The following PIK3R6 variants were observed in gnomAD, a reference collection of about 807,000 sequenced individuals.
The protein encoded by PIK3R6 is phosphoinositide-3-kinase regulatory subunit 6.
PIK3R6 carries 91 observed loss-of-function variants against 84.9 expected under a neutral mutation model. The ratio of observed to expected loss-of-function variants is 1.07; its 90% CI spans 0.90 to 1.28. The LOEUF (loss-of-function observed/expected upper bound fraction) is 1.28. PIK3R6 is among the 50% of genes most tolerant of loss of function. The pLI, the probability that PIK3R6 is intolerant of heterozygous loss-of-function variation, is 0.00. For missense variants in PIK3R6, 996 were observed against 985.1 expected, an observed-to-expected ratio of 1.01 and a Z score of -0.15; for synonymous variants, 416 against 411.4, an observed-to-expected ratio of 1.01 and a Z score of -0.13.
chr17:8,825,600 C>T (rs541063415), intron 13 of PIK3R6, among the ~76,000 whole-genome samples: 36 of 152,244 alleles, frequency 2.4e-4, no homozygotes, highest in Admixed American at 3.3e-4. Context: ...CAAATTTCTG[C>T]GGCAAGATGG....
chr17:8,823,517 T>C lies in PIK3R6; in HGVS notation c.1516-20A>G, dbSNP rs376696124. 1.0e-5 allele frequency: 16 copies of C among 1,540,046 alleles called. No homozygotes were observed. The African/African-American group carries it at 2.0e-4, about 20-fold the overall frequency. ...AGGAGGCTGTGATGGAGACAGGGAA[T>C]GTCTTCACCAACTCCCCCAAGGCCA... On this transcript the variant is annotated intron_variant, in intron 13 of 19. Coordinates refer to ENST00000619866, the MANE Select transcript of PIK3R6 (RefSeq NM_001010855.4).
rs760242091 is a variant in PIK3R6 at position 8,844,679 on chromosome 17, C to T, written c.14-4982G>A. On this transcript the variant is annotated intron_variant, in intron 2 of 19. Coordinates refer to ENST00000619866, the MANE Select transcript of PIK3R6 (RefSeq NM_001010855.4). The surrounding 1 kb of genome is among the most constrained non-coding windows in gnomAD (Gnocchi z 4.5). ...GAGGTACATGTGCAGGTTTGTTACC[C>T]GGATATATTGCTTGATGCTGAGGTT... 8.6e-5 allele frequency among the ~76,000 whole-genome samples: 13 copies of T among 151,620 alleles called. No individual in the cohort carries two copies. Among genetic ancestry groups the T allele is most frequent in the Admixed American group, 2.6e-4 (4 of 15,218 alleles).
Position 8,803,447 on chromosome 17 carries a change from C to T in PIK3R6, c.2109-18G>A. On this transcript the variant is annotated intron_variant, in intron 19 of 19. Transcript: ENST00000619866. The surrounding 1 kb of genome is among the most constrained non-coding windows in gnomAD (Gnocchi z 5.0). Reference sequence around the variant, plus strand: ...CCTCGAATCTGTGGGTGGAGAGAGACCAGCTCAGGTGACCCATCTGAGGGA... The same window carrying T: ...CCTCGAATCTGTGGGTGGAGAGAGATCAGCTCAGGTGACCCATCTGAGGGA... 3.8e-6 allele frequency: 6 copies of T among 1,582,834 alleles called. No individual in the cohort carries two copies. The highest frequency in any genetic ancestry group is 5.1e-6 in the Non-Finnish European group (6 of 1,166,344).
Position 8,828,962 on chromosome 17 carries a change from T to A in PIK3R6, c.918A>T (p.Pro306=). The part of the protein sequence containing the change: ...LWKELVLFLR[P]RSQLRLSADL... ...CAGCACTGAGGCGCAGCTGGGATCT[T>A]GGGCGGAGGAAGAGCACCAGTTCCT... Residue 306 remains proline, a synonymous_variant, in exon 11 of 20, where the codon CCA becomes CCT. Coordinates refer to ENST00000619866, the MANE Select transcript of PIK3R6 (RefSeq NM_001010855.4). 2 of 1,500,650 alleles carry A rather than the reference T, an allele frequency of 1.3e-6. No individual in the cohort carries two copies. The highest frequency in any genetic ancestry group is 4.8e-5 in the East Asian group (2 of 41,934). The allele number at this position is 1,500,650 out of a possible 1,614,324, so 93.0% of individuals were successfully genotyped here.
rs922132323 is a variant in PIK3R6 at position 8,850,340 on chromosome 17, A to G, written c.-91-455T>C. On this transcript the variant is annotated intron_variant, in intron 1 of 19. Coordinates refer to ENST00000619866, the MANE Select transcript of PIK3R6 (RefSeq NM_001010855.4). ...AAGAAAGAAAAAAGAGAAAACTTAT[A>G]TAGTGCTTACTATGTGCCAGGCATC... is the stretch of plus-strand genomic sequence containing the variant. 1.4e-4 allele frequency among the ~76,000 whole-genome samples: 21 copies of G among 152,080 alleles called. No individual in the cohort carries two copies. In the South Asian group the frequency reaches 2.3e-3, roughly 17 times the overall value.
intron 2 of PIK3R6, among the ~76,000 whole-genome samples, chr17:8,840,131 T>C (rs1444796503): frequency 6.7e-6 from 1 of 148,348 alleles, no homozygotes; most frequent in African/African-American, 2.5e-5. Context: ...CAAATATATA[T>C]GAAATATATA....
chr17:8,804,296 G>A (rs1464910965), intron 18 of PIK3R6, 143 bp from the exon 19 acceptor site: 3 of 681,820 alleles, frequency 4.4e-6, no homozygotes, highest in Admixed American at 2.2e-5. Context: ...ACTGAGGAGT[G>A]ACAACCCTGC....
intron 16 of PIK3R6, 107 bp downstream of exon 16, chr17:8,822,480 G>C (rs563047993): frequency 7.7e-7 from 1 of 1,295,702 alleles, no homozygotes; most frequent in East Asian, 2.4e-5. Flanking sequence ...TCAAGAAAAG[G>C]GGCAGAAGCT....
intron 1 of PIK3R6, among the ~76,000 whole-genome samples, chr17:8,864,663 G>A (rs980239302): frequency 2.7e-5 from 4 of 147,892 alleles, no homozygotes; most frequent in African/African-American, 1.0e-4. Flanking sequence ...TCAGCCTCCC[G>A]AGTACCTGGG....
chr17:8,803,883 G>A lies in PIK3R6; in HGVS notation c.2108+158C>T, dbSNP rs762966048. 1 of 649,872 alleles carries A rather than the reference G, an allele frequency of 1.5e-6. No individual in the cohort carries two copies. The highest frequency in any genetic ancestry group is 2.7e-6 in the Non-Finnish European group (1 of 366,590). The allele number at this position is 649,872 out of a possible 1,614,324, so 40.3% of individuals were successfully genotyped here. A position where few individuals can be genotyped will look rare whatever the true frequency, so the allele number is the denominator to read the frequency against. Reference sequence around the variant, plus strand: ...CTTCCTGGATCCAAAGCATAGGGCAGTGGCCTCTGTCCATCCTCACCAAGG... The same window carrying A: ...CTTCCTGGATCCAAAGCATAGGGCAATGGCCTCTGTCCATCCTCACCAAGG... On this transcript the variant is annotated intron_variant, in intron 19 of 19. Coordinates refer to ENST00000619866, the MANE Select transcript of PIK3R6 (RefSeq NM_001010855.4). The surrounding 1 kb of genome is among the most constrained non-coding windows in gnomAD (Gnocchi z 5.0).
intron 5 of PIK3R6, 73 bp from the exon 6 acceptor site, chr17:8,836,996 T>A: frequency 2.2e-6 from 1 of 462,610 alleles, no homozygotes; most frequent in Non-Finnish European, 4.0e-6. Flanking sequence ...AGGTGAAGGG[T>A]CCCGGGGGAG....
In PIK3R6 at chr17:8,839,537, C is replaced by T; in HGVS notation, c.97+77G>A. On this transcript the variant is annotated intron_variant, in intron 3 of 19. Coordinates refer to ENST00000619866, the MANE Select transcript of PIK3R6 (RefSeq NM_001010855.4). This position sits in a 1 kb window ranked among gnomAD's most constrained non-coding sequence, Gnocchi z 4.2. ...CCTGAGCTCCAGGCCGGGGCTCTTT[C>T]CTGTATGCGCGTGTATTGTTGGCTG... The T allele has an allele frequency of 8.2e-7, 1 of 1,212,876 alleles. No individual in the cohort carries two copies. Among genetic ancestry groups the T allele is most frequent in the Non-Finnish European group, 1.2e-6 (1 of 861,154 alleles). 75.1% of individuals were successfully genotyped at this position (1,212,876 alleles called of 1,614,324 possible).
intron 1 of PIK3R6, among the ~76,000 whole-genome samples, chr17:8,850,668 T>G (rs563709623): frequency 9.2e-5 from 14 of 152,096 alleles, no homozygotes; most frequent in Middle Eastern, 3.4e-3. Context: ...GCAGAGGAAC[T>G]CCAAATAAAC....
At chr17:8,832,631 T>A (rs1157642846) in intron 9 of PIK3R6, among the ~76,000 whole-genome samples, 1 of 150,666 alleles carries the variant, frequency 6.6e-6, no homozygotes, top group East Asian at 2.0e-4. Flanking sequence ...CTCGAAACCC[T>A]GACCTCAGGT....
chr17:8,837,852 C>T lies in PIK3R6; in HGVS notation c.209G>A (p.Arg70Gln), dbSNP rs1194132376. The T allele has an allele frequency of 1.1e-5, 17 of 1,613,792 alleles. 2 individuals carry two copies. Among genetic ancestry groups the T allele is most frequent in the South Asian group, 8.8e-5 (8 of 91,088 alleles). ...ELEKAESQDL[R>Q]HVIIPLLHTV... ...GTGCAGCAAGGGAATGATGACATGC[C>T]GGAGGTCCTGGCTTTCCGCCTGGAA... The change falls in exon 5 of 20, where the codon CGG becomes CAG. Residue 70 changes from arginine (R) to glutamine (Q), a missense_variant. Coordinates refer to ENST00000619866, the MANE Select transcript of PIK3R6 (RefSeq NM_001010855.4).
chr17:8,804,716 A>G (rs998990848), intron 18 of PIK3R6, among the ~76,000 whole-genome samples: 5 of 152,252 alleles, frequency 3.3e-5, no homozygotes, highest in African/African-American at 1.2e-4. Context: ...GTCGCCTCCC[A>G]TTGGGCAGAG....
intron 18 of PIK3R6, among the ~76,000 whole-genome samples, chr17:8,809,461 T>C (rs2087292030): frequency 6.6e-6 from 1 of 152,182 alleles, no homozygotes; most frequent in South Asian, 2.1e-4. Context: ...ACCTTAAATG[T>C]AAGGGACTAA....
In PIK3R6 at chr17:8,828,924, A is replaced by C. The variant is rs1369497945; in HGVS notation, c.956T>G (p.Leu319Trp). The change falls in exon 11 of 20, where the codon TTG becomes TGG. Residue 319 changes from leucine (L) to tryptophan (W), a missense_variant. By Grantham distance (61) the Leu-to-Trp change is moderately conservative. Coordinates refer to ENST00000619866, the MANE Select transcript of PIK3R6 (RefSeq NM_001010855.4). ...GTCCGGCCGGAGGCCCTGCAGATCCAAGACCTCCAAGTCAGCACTGAGGCG... is the reference window on the plus strand; with the variant it reads ...GTCCGGCCGGAGGCCCTGCAGATCCCAGACCTCCAAGTCAGCACTGAGGCG... The part of the protein sequence containing the change: ...QLRLSADLEV[L>W]DLQGLRPDRE... 1 of 1,531,150 alleles carries C rather than the reference A, an allele frequency of 6.5e-7. No homozygotes were observed. Among genetic ancestry groups the C allele is most frequent in the Non-Finnish European group, 8.8e-7 (1 of 1,140,012 alleles). The allele number at this position is 1,531,150 out of a possible 1,614,324, so 94.8% of individuals were successfully genotyped here.
chr17:8,803,109 T>G lies in PIK3R6; in HGVS notation c.*164A>C. On this transcript the variant is annotated 3_prime_UTR_variant, in exon 20 of 20. Coordinates refer to ENST00000619866, the MANE Select transcript of PIK3R6 (RefSeq NM_001010855.4). This position sits in a 1 kb window ranked among gnomAD's most constrained non-coding sequence, Gnocchi z 5.0. ...AGACCTCCATGTGGGCCCTTCCTCATCACAGTCCCCAGGGTAGGCTCCCTG... is the reference window on the plus strand; with the variant it reads ...AGACCTCCATGTGGGCCCTTCCTCAGCACAGTCCCCAGGGTAGGCTCCCTG... 1.2e-6 allele frequency: 1 copy of G among 829,188 alleles called. No homozygotes were observed. The highest frequency in any genetic ancestry group is 1.9e-6 in the Non-Finnish European group (1 of 538,530). The allele number at this position is 829,188 out of a possible 1,614,324, so 51.4% of individuals were successfully genotyped here.
Sources: allele counts gnomAD v4.1 joint callset (sites outside exome capture counted in the v4.1 genomes callset), GRCh38; gene constraint gnomAD v4.1.1; non-coding constraint Gnocchi (gnomAD v3.1); transcripts MANE v1.5; gene names NCBI Gene and HGNC (gene_info 2026-07-23, HGNC 2026-07-21).